Variants in ADAM7 observed in about 807,000 individuals in gnomAD.
ADAM7 encodes the protein disintegrin and metalloproteinase domain-containing protein 7.
ADAM7 carries 97 observed loss-of-function variants against 102.9 expected under a neutral mutation model. That is an observed-to-expected ratio of 0.94 (90% CI 0.80 to 1.12). ADAM7 has a LOEUF of 1.12. Among genes scored for constraint, ADAM7 ranks in the 50% most tolerant of loss-of-function variants. The pLI is 0.00. For missense variants in ADAM7, 991 were observed against 908.7 expected, an observed-to-expected ratio of 1.09 and a Z score of -1.16; for synonymous variants, 334 against 304.4, an observed-to-expected ratio of 1.10 and a Z score of -1.01.
At chr8:24,507,668 A>ATTT (rs11307556) in intron 21 of ADAM7, 133 bp downstream of exon 21, 4 of 543,566 alleles carry the variant, frequency 7.4e-6, no homozygotes, top group East Asian at 2.9e-5. Flanking sequence ...GAAGGTTAGA[A>ATTT]TTTTTTTTTT....
In ADAM7 at chr8:24,508,806, A is replaced by AAATAT. The variant is rs1334800768; in HGVS notation, c.*262_*263insTATAA. ...TTTCAAATGCTCTTTAGCACAATAT[A>AAATAT]AAAATTCGTAACCTTGCTGTAGTAT... On this transcript the variant is annotated 3_prime_UTR_variant, in exon 22 of 22. Coordinates refer to ENST00000175238, the MANE Select transcript of ADAM7 (RefSeq NM_003817.4). 4 of 1,249,152 alleles carry AAATAT rather than the reference A, an allele frequency of 3.2e-6. No individual in the cohort carries two copies. The highest frequency in any genetic ancestry group is 1.0e-6 in the Non-Finnish European group (1 of 996,650). The allele number at this position is 1,249,152 out of a possible 1,614,324, so 77.4% of individuals were successfully genotyped here. A position where few individuals can be genotyped will look rare whatever the true frequency, so the allele number is the denominator to read the frequency against.
rs1001481927 is a variant in ADAM7, at chr8:24,486,840, C to T, written c.961-347C>T. Reference sequence around the variant, plus strand: ...CACCTTGAAGTTAGTTTTATACCTTCGACATATGAATTTTGAAGAGGTAAA... The same window carrying T: ...CACCTTGAAGTTAGTTTTATACCTTTGACATATGAATTTTGAAGAGGTAAA... On this transcript the variant is annotated intron_variant, in intron 10 of 21. Coordinates refer to ENST00000175238, the MANE Select transcript of ADAM7 (RefSeq NM_003817.4). Among the ~76,000 whole-genome samples the T allele has an allele frequency of 5.9e-5, 9 of 152,016 alleles. No homozygotes were observed. The East Asian group carries it at 1.4e-3, about 23-fold the overall frequency.
At chr8:24,492,249 A>G (rs1174155658) in intron 14 of ADAM7, 151 bp downstream of exon 14, 2 of 791,936 alleles carry the variant, frequency 2.5e-6, no homozygotes, top group Non-Finnish European at 3.9e-6. Flanking sequence ...ATTACCTGTC[A>G]TATTAGTTGA....
chr8:24,496,003 G>A (rs1384404448), intron 16 of ADAM7, among the ~76,000 whole-genome samples: 3 of 152,210 alleles, frequency 2.0e-5, no homozygotes, highest in African/African-American at 2.4e-5. Flanking sequence ...CTTCATAGCA[G>A]CCCCTCCTAT....
chr8:24,455,576 T>A (rs1380429632), intron 3 of ADAM7, among the ~76,000 whole-genome samples: 2 of 152,166 alleles, frequency 1.3e-5, no homozygotes, highest in Non-Finnish European at 2.9e-5. Context: ...ACCCAGCTAA[T>A]TGTATTGTTT....
chr8:24,498,530 TA>T (rs1820635856), intron 16 of ADAM7, among the ~76,000 whole-genome samples: 1 of 149,140 alleles, frequency 6.7e-6, no homozygotes, highest in Non-Finnish European at 1.5e-5. Context: ...ATCAGGTAAA[TA>T]AAATGAAAGG....
In ADAM7 at chr8:24,463,902, A is replaced by G. The variant is rs758198198; in HGVS notation, c.254A>G (p.Tyr85Cys). 1.3e-5 allele frequency: 21 copies of G among 1,613,790 alleles called. No individual in the cohort carries two copies. In the South Asian group the frequency reaches 2.2e-4, roughly 17 times the overall value. ...TTCAGGGAGTTCCTAGGCTCAAATTACAGTGAAACATTCTACTCCATGAAA... is the reference window on the plus strand; with the variant it reads ...TTCAGGGAGTTCCTAGGCTCAAATTGCAGTGAAACATTCTACTCCATGAAA... ...LRSREFLGSN[Y>C]SETFYSMKGE... The change falls in exon 4 of 22, where the codon TAC becomes TGC. Residue 85 changes from tyrosine to cysteine, a missense_variant. Physicochemically the swap from Tyr to Cys is radical, Grantham distance 194 (BLOSUM62 -2). Coordinates refer to ENST00000175238, the MANE Select transcript of ADAM7 (RefSeq NM_003817.4).
chr8:24,484,750 T>C (rs1820074395), intron 9 of ADAM7, among the ~76,000 whole-genome samples: 1 of 152,116 alleles, frequency 6.6e-6, no homozygotes, highest in South Asian at 2.1e-4. Context: ...ATTTGTATTT[T>C]TTTGTTTTTT....
At chr8:24,480,764 G>T (rs1482351486) in intron 8 of ADAM7, among the ~76,000 whole-genome samples, 1 of 152,076 alleles carries the variant, frequency 6.6e-6, no homozygotes, top group Non-Finnish European at 1.5e-5. Flanking sequence ...TCAAGATCCT[G>T]GTGTGGTGAC....
chr8:24,506,209 A>C, intron 20 of ADAM7: 1 of 1,339,350 alleles, frequency 7.5e-7, no homozygotes, highest in East Asian at 2.5e-5. Flanking sequence ...TTCCAATAAT[A>C]ATTTTCATGA....
chr8:24,489,563 C>A (rs923493391), intron 12 of ADAM7, among the ~76,000 whole-genome samples: 1 of 152,144 alleles, frequency 6.6e-6, no homozygotes, highest in African/African-American at 2.4e-5. Context: ...AGATCAGCAG[C>A]ATCAGCTTTC....
At chr8:24,456,528 C>A (rs1000222904) in intron 3 of ADAM7, among the ~76,000 whole-genome samples, 3 of 152,006 alleles carry the variant, frequency 2.0e-5, no homozygotes, top group Non-Finnish European at 4.4e-5. Context: ...TGAGCTCTGG[C>A]AAATGCACAT....
intron 17 of ADAM7, 96 bp from the exon 18 acceptor site, chr8:24,500,082 A>G: frequency 9.8e-7 from 1 of 1,022,840 alleles, no homozygotes; most frequent in South Asian, 1.8e-5. Context: ...GCTTGTGTGC[A>G]TGTATGTTTG....
At chr8:24,503,423 T>C (rs1820830417) in intron 20 of ADAM7, among the ~76,000 whole-genome samples, 1 of 152,148 alleles carries the variant, frequency 6.6e-6, no homozygotes, top group African/African-American at 2.4e-5. Context: ...TTTACATTGT[T>C]GGAGGGAGTG....
chr8:24,451,664 A>G (rs1160117065), intron 3 of ADAM7, among the ~76,000 whole-genome samples: 1 of 150,620 alleles, frequency 6.6e-6, no homozygotes, highest in African/African-American at 2.4e-5. Context: ...TTCTGCTCTG[A>G]TTTTAGTTAT....
At chr8:24,482,378 TA>T (rs1158934528) in intron 9 of ADAM7, 67 bp downstream of exon 9, 40 of 1,440,012 alleles carry the variant, frequency 2.8e-5, no homozygotes, top group Non-Finnish European at 3.6e-5. Context: ...AAAAAAAAAT[TA>T]ACAGAAAAAA....
chr8:24,505,713 T>C (rs2129398162), intron 20 of ADAM7, among the ~76,000 whole-genome samples: 1 of 152,274 alleles, frequency 6.6e-6, no homozygotes, highest in African/African-American at 2.4e-5. Flanking sequence ...TTTCTAGTTG[T>C]ATTAATATTT....
At chr8:24,442,350 A>G (rs1818403538) in intron 1 of ADAM7, 123 bp from the exon 2 acceptor site, 3 of 737,474 alleles carry the variant, frequency 4.1e-6, no homozygotes, top group Middle Eastern at 2.4e-4. Context: ...AACATTTCAT[A>G]GTGTTGCTGT....
At chr8:24,507,655 T>C (rs1313123430) in intron 21 of ADAM7, 120 bp downstream of exon 21, 1 of 766,758 alleles carries the variant, frequency 1.3e-6, no homozygotes, top group Non-Finnish European at 2.1e-6. Flanking sequence ...CACAACAGAT[T>C]AGGAAGGTTA....
Sources: allele counts gnomAD v4.1 joint callset (sites outside exome capture counted in the v4.1 genomes callset), GRCh38; gene constraint gnomAD v4.1.1; transcripts MANE v1.5; gene names NCBI Gene and HGNC (gene_info 2026-07-23, HGNC 2026-07-21).